The following WNK2 variants were observed in gnomAD, a reference collection of about 807,000 sequenced individuals.
WNK2 encodes the protein WNK lysine deficient protein kinase 2, also known as serine/threonine-protein kinase WNK2.
A neutral mutation model predicts 192.1 loss-of-function variants in WNK2; 67 were observed. That is an observed-to-expected ratio of 0.35 (90% CI 0.29 to 0.43). The LOEUF is 0.43. WNK2 is among the 20% of genes least tolerant of loss of function. The pLI is 1.00. For missense variants in WNK2, 2,698 were observed against 3,089.7 expected (o/e 0.87, Z 3.01); for synonymous variants, 1,439 against 1,393.9 (o/e 1.03, Z -0.72).
intron 2 of WNK2, among the ~76,000 whole-genome samples, chr9:93,195,655 T>C (rs7043649): frequency 0.21 from 26,882 of 128,916 alleles, 2,767 homozygotes; most frequent in African/African-American, 0.32. Context: ...GCCAAGATCG[T>C]GCCACTGCAC....
intron 23 of WNK2, among the ~76,000 whole-genome samples, chr9:93,295,395 A>G (rs182068781): frequency 7.9e-5 from 12 of 152,258 alleles, no homozygotes; most frequent in African/African-American, 2.9e-4. Flanking sequence ...GGAGAAAGCC[A>G]TTCAGAGTTT....
At chr9:93,268,591 A>G (rs1239429384) in intron 18 of WNK2, 36 bp from the exon 19 acceptor site, 1 of 1,588,590 alleles carries the variant, frequency 6.3e-7, no homozygotes, top group Non-Finnish European at 8.6e-7. Flanking sequence ...AAAGGCGCTC[A>G]CTCACTCAGC....
At chr9:93,304,503 G>T (rs1852152006) in intron 26 of WNK2, among the ~76,000 whole-genome samples, 1 of 152,262 alleles carries the variant, frequency 6.6e-6, no homozygotes, top group South Asian at 2.1e-4. Flanking sequence ...GCCTGGCTGG[G>T]GATGGAAGCC....
intron 2 of WNK2, among the ~76,000 whole-genome samples, chr9:93,187,961 T>C (rs534887880): frequency 3.1e-4 from 47 of 152,106 alleles, no homozygotes; most frequent in African/African-American, 8.9e-4. Flanking sequence ...AGGTGGGTGC[T>C]CCTTCTCTAG....
At chr9:93,236,743 C>T (rs1162421995) in intron 5 of WNK2, among the ~76,000 whole-genome samples, 2 of 152,264 alleles carry the variant, frequency 1.3e-5, no homozygotes, top group African/African-American at 4.8e-5. Context: ...TGGCCTGGCC[C>T]TTGGCCAGCA....
Position 93,289,174 on chromosome 9 carries a change from C to T in WNK2, c.4420C>T (p.Pro1474Ser). 1 of 1,599,638 alleles carries T rather than the reference C, an allele frequency of 6.3e-7. No homozygotes were observed. The change falls in exon 20 of 30, where the codon CCC (proline) becomes TCC (serine). Residue 1474 changes from proline to serine, a missense_variant. Pro to Ser is a moderately conservative substitution (Grantham distance 74). Around this residue, in one of 7 missense-constraint regions of WNK2, gnomAD observed 1,098 missense variants for 1,101.0 expected, o/e 1.00. Coordinates refer to ENST00000427277, the MANE Select transcript of WNK2 (RefSeq NM_006648.4). ...STRDASAPREPLPPPAPEPSP... is the reference protein window; with the variant it reads ...STRDASAPRESLPPPAPEPSP... ...CAGGGACGCCAGTGCCCCAAGGGAGCCCCTGCCACCTCCTGCACCTGAGCC... is the reference window on the plus strand; with the variant it reads ...CAGGGACGCCAGTGCCCCAAGGGAGTCCCTGCCACCTCCTGCACCTGAGCC...
chr9:93,306,460 GCTTTTTTCTTTTTTCTTTT>G (rs1852556387), intron 26 of WNK2, among the ~76,000 whole-genome samples: 1 of 152,078 alleles, frequency 6.6e-6, no homozygotes, highest in South Asian at 2.1e-4. Context: ...GGTGTGCTTT[GCTTTTTTCTTTTTTCTTTT>G]CTTTTTTCTT....
In WNK2 at chr9:93,228,300, G is replaced by A. The variant is rs72743420; in HGVS notation, c.682-1396G>A. Among the ~76,000 whole-genome samples the A allele has an allele frequency of 2.3e-3, 352 of 152,264 alleles. 1 individual carries two copies. The highest frequency in any genetic ancestry group is 3.4e-3 in the Middle Eastern group (1 of 294). On this transcript the variant is annotated intron_variant, in intron 2 of 29. Coordinates refer to ENST00000427277, the MANE Select transcript of WNK2 (RefSeq NM_006648.4). ...TTTTTACCAAGATGACCCTTGTCAC[G>A]ATCCTGCCGCCTGCTTCTCCTCTCT...
Position 93,267,713 on chromosome 9 carries a change from G to T in WNK2, c.3697-33G>T, listed in dbSNP as rs1232632249. 4 of 1,531,192 alleles carry T rather than the reference G, an allele frequency of 2.6e-6. No homozygotes were observed. The Admixed American group carries it at 7.8e-5, about 30-fold the overall frequency. 94.9% of individuals were successfully genotyped at this position (1,531,192 alleles called of 1,614,324 possible). A position where few individuals can be genotyped will look rare whatever the true frequency, so the allele number is the denominator to read the frequency against. ...GACCTAGGGTGGTCTTGGCCTTGCA[G>T]CTGGTCCTCACTGGCAGTATGTCCC... On this transcript the variant is annotated intron_variant, in intron 16 of 29. Transcript: ENST00000427277.
At chr9:93,233,863 T>C (rs930295263) in intron 4 of WNK2, among the ~76,000 whole-genome samples, 1 of 152,248 alleles carries the variant, frequency 6.6e-6, no homozygotes, top group Non-Finnish European at 1.5e-5. Flanking sequence ...TAAAAGCAGC[T>C]GTACTGAAGT....
Position 93,259,494 on chromosome 9 carries a change from GCAACCCATGCTGCCCCCA to G in WNK2, c.2952_2969del (p.Met985_Pro990del), listed in dbSNP as rs777058384. On this transcript the variant is annotated inframe_deletion, in exon 12 of 30. Transcript: ENST00000427277. This position sits in a 1 kb window ranked among gnomAD's most constrained non-coding sequence, Gnocchi z 4.8. ...GGCCCCCTCAACCTGTGCTGCCCCC[GCAACCCATGCTGCCCCCA>G]CAACCTGTGCTGCCCCCGCAGCCGG... 1.1e-5 allele frequency: 14 copies of G among 1,317,778 alleles called. No homozygotes were observed. In the East Asian group the frequency reaches 3.7e-4, roughly 35 times the overall value. The allele number at this position is 1,317,778 out of a possible 1,614,324, so 81.6% of individuals were successfully genotyped here. A position where few individuals can be genotyped will look rare whatever the true frequency, so the allele number is the denominator to read the frequency against.
At chr9:93,263,468 T>G in intron 14 of WNK2, 98 bp from the exon 15 acceptor site, 1 of 1,482,556 alleles carries the variant, frequency 6.7e-7, no homozygotes, top group Non-Finnish European at 9.1e-7. Context: ...ATTTGGGCCC[T>G]GGAGACTCCA....
At chr9:93,269,479 G>A (rs1845715292) in intron 19 of WNK2, among the ~76,000 whole-genome samples, 1 of 152,110 alleles carries the variant, frequency 6.6e-6, no homozygotes, top group African/African-American at 2.4e-5. Flanking sequence ...TTCCCATGGG[G>A]GACAGGTCAG....
intron 14 of WNK2, 36 bp from the exon 15 acceptor site, chr9:93,263,530 C>T (rs1395623187): frequency 6.2e-7 from 1 of 1,606,660 alleles, no homozygotes. Context: ...TGCTGGTTGT[C>T]CTTTGGTGCC....
At chr9:93,212,668 G>A (rs938099330) in intron 2 of WNK2, among the ~76,000 whole-genome samples, 1 of 152,148 alleles carries the variant, frequency 6.6e-6, no homozygotes, top group Admixed American at 6.5e-5. Flanking sequence ...AATGGGAGCA[G>A]CATCGACATG....
At chr9:93,205,451 G>T (rs114953670) in intron 2 of WNK2, among the ~76,000 whole-genome samples, 2,554 of 152,230 alleles carry the variant, frequency 0.017, 75 homozygotes, top group African/African-American at 0.058. Flanking sequence ...GGGCCCCCTT[G>T]TTCCTGGGGG....
chr9:93,235,893 C>T (rs960700860), intron 5 of WNK2, among the ~76,000 whole-genome samples: 2 of 152,224 alleles, frequency 1.3e-5, no homozygotes, highest in Non-Finnish European at 2.9e-5. Flanking sequence ...CCCTCCATCC[C>T]GAGCCCTCCT....
chr9:93,265,687 C>T lies in WNK2; in HGVS notation c.3696+1654C>T, dbSNP rs1267418737. ...ATAAAGCATAATAATAAAGTGAACA[C>T]CCGTGAAGTTATCACTCAGCCACCA... On this transcript the variant is annotated intron_variant, in intron 16 of 29. Coordinates refer to ENST00000427277, the MANE Select transcript of WNK2 (RefSeq NM_006648.4). Among the ~76,000 whole-genome samples the T allele has an allele frequency of 3.3e-5, 5 of 152,254 alleles. No individual in the cohort carries two copies. The East Asian group carries it at 9.6e-4, about 29-fold the overall frequency.
intron 19 of WNK2, among the ~76,000 whole-genome samples, chr9:93,275,905 A>G (rs1469630298): frequency 6.6e-6 from 1 of 152,268 alleles, no homozygotes; most frequent in Admixed American, 6.5e-5. Context: ...TAAAACATGC[A>G]GAATCTGTAT....
Sources: gnomAD v4.1 joint callset for allele counts (sites outside exome capture counted in the v4.1 genomes callset) on GRCh38, gnomAD v4.1.1 for gene constraint, gnomAD v4.1.1 regional missense constraint, Gnocchi (gnomAD v3.1) non-coding constraint, MANE v1.5 for transcripts, NCBI Gene and HGNC (gene_info 2026-07-23, HGNC 2026-07-21) for gene names.